Variants in PCDHGA11 observed in about 807,000 individuals in gnomAD.
The protein encoded by PCDHGA11 is protocadherin gamma subfamily A, 11, also known as protocadherin gamma-A11.
Under a neutral mutation model 60.4 loss-of-function variants are expected in PCDHGA11, and 39 were observed. The observed-to-expected ratio is 0.65, with a 90% CI of 0.50 to 0.84. The LOEUF (loss-of-function observed/expected upper bound fraction) is 0.84, where lower values mean the gene tolerates loss of function less well. Ranked by LOEUF, PCDHGA11 falls within the 40% of genes least tolerant of loss-of-function variation. The pLI, the probability that PCDHGA11 is intolerant of heterozygous loss-of-function variation, is 0.00. For missense variants in PCDHGA11, 1,165 were observed against 1,197.7 expected, an observed-to-expected ratio of 0.97 and a Z score of 0.40; for synonymous variants, 533 against 510.3, an observed-to-expected ratio of 1.04 and a Z score of -0.60.
intron 1 of PCDHGA11, chr5:141,428,257 G>A: frequency 1.2e-6 from 1 of 865,864 alleles, no homozygotes; most frequent in Non-Finnish European, 1.9e-6. Context: ...AGACTTCAGT[G>A]ACAGTCCTGT....
Position 141,489,557 on chromosome 5 carries a change from T to C in PCDHGA11, c.2434-5250T>C, listed in dbSNP as rs150797955. 54 of 1,613,956 alleles carry C rather than the reference T, an allele frequency of 3.3e-5. 1 individual carries two copies. Among genetic ancestry groups the C allele is most frequent in the Non-Finnish European group, 4.3e-5 (51 of 1,180,004 alleles). On this transcript the variant is annotated intron_variant, in intron 1 of 3. Coordinates refer to ENST00000398587, the MANE Select transcript of PCDHGA11 (RefSeq NM_018914.3). The surrounding 1 kb of genome is among the most constrained non-coding windows in gnomAD (Gnocchi z 4.5). ...GCCAGCACCAGCTGCCTGCTGCCAG[T>C]GCAGGTGGTGACTGAACACCCCCTG...
chr5:141,446,075 A>G (rs907731619), intron 1 of PCDHGA11, among the ~76,000 whole-genome samples: 1 of 152,216 alleles, frequency 6.6e-6, no homozygotes, highest in Admixed American at 6.5e-5. Context: ...GAGGCAGTGG[A>G]TGTAGAAATA....
At chr5:141,426,955 C>T (rs1380917458) in intron 1 of PCDHGA11, 3 of 456,658 alleles carry the variant, frequency 6.6e-6, no homozygotes, top group South Asian at 1.5e-5. Flanking sequence ...ACTGGCACTG[C>T]TGCAATTCAA....
In PCDHGA11 at chr5:141,431,827, TC is replaced by T. The variant is rs571306928; in HGVS notation, c.2433+8170del. 1.2e-3 allele frequency: 2,007 copies of T among 1,614,226 alleles called. No individual in the cohort carries two copies. The highest frequency in any genetic ancestry group is 1.5e-3 in the Non-Finnish European group (1,827 of 1,180,024). On this transcript the variant is annotated intron_variant, in intron 1 of 3. Coordinates refer to ENST00000398587, the MANE Select transcript of PCDHGA11 (RefSeq NM_018914.3). This position sits in a 1 kb window ranked among gnomAD's most constrained non-coding sequence, Gnocchi z 4.8. ...TCCTCACCTCTCTCGCCAGCTCGGT[TC>T]CCGAAAACTCTCCCAGAGGGACATT...
rs902072815 is a variant in PCDHGA11, at chr5:141,495,024, C to A, written c.2492+159C>A. On this transcript the variant is annotated intron_variant, in intron 2 of 3. Coordinates refer to ENST00000398587, the MANE Select transcript of PCDHGA11 (RefSeq NM_018914.3). ...GGTGTGCGGGGGGCTGGCACACAGACCCCGGAAGGAAGAGGCGACTGCCCT... is the reference window on the plus strand; with the variant it reads ...GGTGTGCGGGGGGCTGGCACACAGAACCCGGAAGGAAGAGGCGACTGCCCT... The A allele has an allele frequency of 1.6e-5, 16 of 973,368 alleles. No homozygotes were observed. In the South Asian group the frequency reaches 5.7e-4, roughly 35 times the overall value. The allele number at this position is 973,368 out of a possible 1,614,324, so 60.3% of individuals were successfully genotyped here. A position where few individuals can be genotyped will look rare whatever the true frequency, so the allele number is the denominator to read the frequency against.
chr5:141,421,732 C>T lies in PCDHGA11; in HGVS notation c.505C>T (p.Gln169Ter). 1 of 1,613,934 alleles carries T rather than the reference C, an allele frequency of 6.2e-7. No individual in the cohort carries two copies. The highest frequency in any genetic ancestry group is 8.5e-7 in the Non-Finnish European group (1 of 1,179,844). ...RDPDVGVNSL[Q>*]SYQLSPNNYF... is the part of the protein sequence containing the mutation. ...TCCAGATGTGGGCGTGAACTCCCTCCAGAGCTACCAGCTCAGCCCTAATAA... is the reference window on the plus strand; with the variant it reads ...TCCAGATGTGGGCGTGAACTCCCTCTAGAGCTACCAGCTCAGCCCTAATAA... The change falls in exon 1 of 4, where the codon CAG becomes TAG. Residue 169 changes from glutamine to a stop codon, truncating the protein, a stop_gained. Transcript: ENST00000398587. LOFTEE classifies it high-confidence loss of function.
rs986276637 is a variant in PCDHGA11, at chr5:141,487,728, C to A, written c.2434-7079C>A. The A allele has an allele frequency of 3.2e-6, 5 of 1,570,444 alleles. No individual in the cohort carries two copies. The highest frequency in any genetic ancestry group is 2.3e-5 in the East Asian group (1 of 42,866). On this transcript the variant is annotated intron_variant, in intron 1 of 3. Transcript: ENST00000398587. The surrounding 1 kb of genome is among the most constrained non-coding windows in gnomAD (Gnocchi z 5.0). ...TCAGTAAGTGCCCATAGTGATGTCACCATTTTTGTAAGAGGTAACTATGTG... is the reference window on the plus strand; with the variant it reads ...TCAGTAAGTGCCCATAGTGATGTCAACATTTTTGTAAGAGGTAACTATGTG...
intron 1 of PCDHGA11, among the ~76,000 whole-genome samples, chr5:141,457,190 G>A (rs2098913282): frequency 6.6e-6 from 1 of 152,200 alleles, no homozygotes; most frequent in African/African-American, 2.4e-5. Context: ...GTAGAGTGAG[G>A]AAAGCAGTTC....
intron 2 of PCDHGA11, among the ~76,000 whole-genome samples, chr5:141,497,642 C>T (rs1426920174): frequency 1.3e-5 from 2 of 151,352 alleles, no homozygotes; most frequent in Middle Eastern, 3.4e-3. Context: ...CAGGTTCAAG[C>T]GATTCTCCTG....
chr5:141,442,006 G>A (rs540427406), intron 1 of PCDHGA11: 77 of 229,074 alleles, frequency 3.4e-4, no homozygotes, highest in African/African-American at 1.6e-3. Context: ...CTGACAGCTC[G>A]CACGATGGGC....
At chr5:141,472,745 G>A (rs931198460) in intron 1 of PCDHGA11, among the ~76,000 whole-genome samples, 4 of 152,038 alleles carry the variant, frequency 2.6e-5, no homozygotes, top group African/African-American at 9.7e-5. Flanking sequence ...CAGCACTTTG[G>A]GAGGCGGAGG....
At chr5:141,505,308 G>A in intron 2 of PCDHGA11, 85 bp from the exon 3 acceptor site, 1 of 1,598,660 alleles carries the variant, frequency 6.3e-7, no homozygotes, top group Non-Finnish European at 8.5e-7. Flanking sequence ...TAGGGTACTA[G>A]GTTTGGGAGC....
chr5:141,470,597 T>A (rs1309687738), intron 1 of PCDHGA11, among the ~76,000 whole-genome samples: 5 of 152,216 alleles, frequency 3.3e-5, no homozygotes, highest in Non-Finnish European at 7.3e-5. Flanking sequence ...AGGCGACCTG[T>A]GCGGGGACAC....
At position 141,486,543 on chromosome 5, in the gene PCDHGA11, A is replaced by G; in HGVS notation, c.2434-8264A>G. Reference sequence around the variant, plus strand: ...AATGATAATCCACCCTCTTTCTTTCAGAGGTCACATGAGGTGTTTGTTCCT... The same window carrying G: ...AATGATAATCCACCCTCTTTCTTTCGGAGGTCACATGAGGTGTTTGTTCCT... On this transcript the variant is annotated intron_variant, in intron 1 of 3. Transcript: ENST00000398587. This position sits in a 1 kb window ranked among gnomAD's most constrained non-coding sequence, Gnocchi z 5.0. 6.2e-7 allele frequency: 1 copy of G among 1,614,080 alleles called. No individual in the cohort carries two copies. Among genetic ancestry groups the G allele is most frequent in the Non-Finnish European group, 8.5e-7 (1 of 1,180,020 alleles).
chr5:141,486,637 G>T lies in PCDHGA11; in HGVS notation c.2434-8170G>T. On this transcript the variant is annotated intron_variant, in intron 1 of 3. Coordinates refer to ENST00000398587, the MANE Select transcript of PCDHGA11 (RefSeq NM_018914.3). This position sits in a 1 kb window ranked among gnomAD's most constrained non-coding sequence, Gnocchi z 5.0. ...CTGACCCAGACTCTGGCTTGAATGCGCTTATCTCCTACTCACTCCTGGAGC... is the reference window on the plus strand; with the variant it reads ...CTGACCCAGACTCTGGCTTGAATGCTCTTATCTCCTACTCACTCCTGGAGC... 6.2e-7 allele frequency: 1 copy of T among 1,613,638 alleles called. No homozygotes were observed. The highest frequency in any genetic ancestry group is 8.5e-7 in the Non-Finnish European group (1 of 1,180,034).
chr5:141,487,684 C>G lies in PCDHGA11; in HGVS notation c.2434-7123C>G. On this transcript the variant is annotated intron_variant, in intron 1 of 3. Coordinates refer to ENST00000398587, the MANE Select transcript of PCDHGA11 (RefSeq NM_018914.3). The surrounding 1 kb of genome is among the most constrained non-coding windows in gnomAD (Gnocchi z 5.0). ...ATCCAGGCATATGGCTAGGCCATGT[C>G]CTAGAGAGTACTGGCCTCTCAGTAA... is the stretch of plus-strand genomic sequence containing the variant. The G allele has an allele frequency of 6.2e-7, 1 of 1,607,562 alleles. No individual in the cohort carries two copies. Among genetic ancestry groups the G allele is most frequent in the East Asian group, 2.2e-5 (1 of 44,768 alleles).
rs374095590 is a variant in PCDHGA11, at chr5:141,431,523, T to C, written c.2433+7863T>C. On this transcript the variant is annotated intron_variant, in intron 1 of 3. Coordinates refer to ENST00000398587, the MANE Select transcript of PCDHGA11 (RefSeq NM_018914.3). This position sits in a 1 kb window ranked among gnomAD's most constrained non-coding sequence, Gnocchi z 4.8. ...TACCGCGCGAGCGTTCCGGAGAATC[T>C]GGCCTTGGGCACGCAGCTGCTTGTA... 13 of 1,613,952 alleles carry C rather than the reference T, an allele frequency of 8.1e-6. No homozygotes were observed. The African/African-American group carries it at 1.5e-4, about 18-fold the overall frequency.
Position 141,493,022 on chromosome 5 carries a change from G to T in PCDHGA11, c.2434-1785G>T, listed in dbSNP as rs1184742888. ...GCTATAGGCTCTGCCAGATGCCAGG[G>T]TGCCCTTATGTGTGAGGAAACTACA... On this transcript the variant is annotated intron_variant, in intron 1 of 3. Transcript: ENST00000398587. The surrounding 1 kb of genome is among the most constrained non-coding windows in gnomAD (Gnocchi z 4.3). Among the ~76,000 whole-genome samples the T allele has an allele frequency of 1.3e-5, 2 of 152,222 alleles. No individual in the cohort carries two copies. Among genetic ancestry groups the T allele is most frequent in the Admixed American group, 1.3e-4 (2 of 15,282 alleles).
At chr5:141,510,447 C>T (rs1270073364) in intron 3 of PCDHGA11, among the ~76,000 whole-genome samples, 1 of 152,026 alleles carries the variant, frequency 6.6e-6, no homozygotes, top group Non-Finnish European at 1.5e-5. Flanking sequence ...CTCCAGGAGC[C>T]CATGGTCTAG....
Sources: allele counts gnomAD v4.1 joint callset (sites outside exome capture counted in the v4.1 genomes callset), GRCh38; gene constraint gnomAD v4.1.1; non-coding constraint Gnocchi (gnomAD v3.1); transcripts MANE v1.5; gene names NCBI Gene and HGNC (gene_info 2026-07-23, HGNC 2026-07-21).